The following SACS variants were observed in gnomAD, a reference collection of about 807,000 sequenced individuals.
SACS encodes sacsin molecular chaperone.
SACS carries 197 observed loss-of-function variants against 348.0 expected under a neutral mutation model. The observed-to-expected ratio is 0.57, with a 90% confidence interval of 0.50 to 0.64. SACS has a LOEUF of 0.64. Among genes scored for constraint, SACS ranks in the 30% least tolerant of loss-of-function variants. SACS has a pLI of 0.00. For synonymous variants in SACS, 1,985 were observed against 1,910.6 expected (o/e 1.04, Z -1.02); for missense variants, 4,999 against 5,360.8 (o/e 0.93, Z 2.11).
At chr13:23,356,425 ACT>A (rs925693296) in intron 7 of SACS, among the ~76,000 whole-genome samples, 3 of 152,218 alleles carry the variant, frequency 2.0e-5, no homozygotes, top group East Asian at 1.9e-4. Flanking sequence ...AATGCAGGTG[ACT>A]CTGCCCACTG....
At position 23,332,162 on chromosome 13, in the gene SACS, AG is replaced by A. The variant is rs1555249797; in HGVS notation, c.11713del (p.Ala3906ArgfsTer12). On this transcript the variant is annotated frameshift_variant, in exon 10 of 10. Transcript: ENST00000382292. LOFTEE classifies it high-confidence loss of function. ...VRSDLENVRDLALYLPSQDGR... is the reference protein window; with the variant it reads ...VRSDLENVRDXALYLPSQDGR... ...ATCCTGGCTTGGGAGGTAAAGCGCAAGGTCTCGTACATTCTCGAGATCACTC... is the reference window on the plus strand; with the variant it reads ...ATCCTGGCTTGGGAGGTAAAGCGCAAGTCTCGTACATTCTCGAGATCACTC... The A allele has an allele frequency of 6.2e-7, 1 of 1,614,080 alleles. No individual in the cohort carries two copies.
rs572068106 is a variant in SACS, at chr13:23,331,975, T to C, written c.11901A>G (p.Gln3967=). 5.0e-6 allele frequency: 8 copies of C among 1,614,096 alleles called. No individual in the cohort carries two copies. The South Asian group carries it at 5.5e-5, about 11-fold the overall frequency. The change falls in exon 10 of 10, where the codon CAA becomes CAG. Residue 3967 remains glutamine (Q), a synonymous_variant. Coordinates refer to ENST00000382292, the MANE Select transcript of SACS (RefSeq NM_014363.6). ...TGCTCAATAATCGAGGTCTAAGTTT[T>C]TGAGGAAAGAGCATTATCAACTTAG... ...FHTKLIMLFP[Q]KLRPRLLSSI... is the part of the protein sequence containing the mutation.
rs751098578 is a variant in SACS, at chr13:23,371,213, T to C, written c.172-48A>G. ...GTATGAAAAGCAATACAGTCTCTAA[T>C]ACTGTAAATTCAAGACATTATCTCA... On this transcript the variant is annotated intron_variant, in intron 3 of 9. Coordinates refer to ENST00000382292, the MANE Select transcript of SACS (RefSeq NM_014363.6). 2.1e-5 allele frequency: 24 copies of C among 1,136,696 alleles called. No homozygotes were observed. In the Admixed American group the frequency reaches 4.9e-4, roughly 23 times the overall value. 70.4% of individuals were successfully genotyped at this position (1,136,696 alleles called of 1,614,324 possible).
At chr13:23,353,250 G>C (rs1870089571) in intron 9 of SACS, among the ~76,000 whole-genome samples, 1 of 152,090 alleles carries the variant, frequency 6.6e-6, no homozygotes. Context: ...GAGTTAATTG[G>C]ATTTGTCCAC....
At position 23,340,612 on chromosome 13, in the gene SACS, T is replaced by C. The variant is rs1484975538; in HGVS notation, c.3264A>G (p.Arg1088=). ...FTSPDILHSL[R]QIGLKNEASL... is the part of the protein sequence containing the mutation. ...TGGCTTCGTTTTTTAAACCAATCTG[T>C]CTTAAGGAGTGAAGAATATCTGGTG... Residue 1088 remains arginine, a synonymous_variant, in exon 10 of 10, where the codon AGA becomes AGG. Transcript: ENST00000382292. The C allele has an allele frequency of 1.2e-6, 2 of 1,611,456 alleles. No individual in the cohort carries two copies. The highest frequency in any genetic ancestry group is 1.7e-6 in the Non-Finnish European group (2 of 1,179,490).
intron 2 of SACS, among the ~76,000 whole-genome samples, chr13:23,401,387 C>T (rs752345830): frequency 2.6e-5 from 4 of 152,232 alleles, no homozygotes; most frequent in Non-Finnish European, 5.9e-5. Flanking sequence ...TCCCTCCCCA[C>T]TTCCAGTCTT....
intron 2 of SACS, among the ~76,000 whole-genome samples, chr13:23,380,886 G>A (rs554469503): frequency 3.9e-5 from 6 of 152,146 alleles, no homozygotes; most frequent in Non-Finnish European, 8.8e-5. Flanking sequence ...GCTTTCATCC[G>A]TAAAAGTTTC....
Position 23,376,619 on chromosome 13 carries a change from T to C in SACS, c.21-1350A>G, listed in dbSNP as rs559088804. Among the ~76,000 whole-genome samples the C allele has an allele frequency of 2.0e-5, 3 of 152,322 alleles. No individual in the cohort carries two copies. The South Asian group carries it at 6.2e-4, about 32-fold the overall frequency. On this transcript the variant is annotated intron_variant, in intron 2 of 9. Coordinates refer to ENST00000382292, the MANE Select transcript of SACS (RefSeq NM_014363.6). The stretch of plus-strand genomic sequence containing the variant: ...TGTTCTACAGCTGTTCCATCTCTCT[T>C]ACCACAGTTAAAAAGGGAATGATAG...
At chr13:23,415,034 C>A (rs1199187508) in intron 1 of SACS, among the ~76,000 whole-genome samples, 2 of 151,860 alleles carry the variant, frequency 1.3e-5, no homozygotes, top group African/African-American at 4.8e-5. Context: ...TTTTTCTTTT[C>A]TTTTTTTTAT....
At position 23,330,311 on chromosome 13, in the gene SACS, T is replaced by G. The variant is rs1036119801; in HGVS notation, c.13565A>C (p.Asp4522Ala). 1 of 1,614,084 alleles carries G rather than the reference T, an allele frequency of 6.2e-7. No individual in the cohort carries two copies. The highest frequency in any genetic ancestry group is 8.5e-7 in the Non-Finnish European group (1 of 1,180,026). The change falls in exon 10 of 10, where the codon GAT becomes GCT. Residue 4522 changes from aspartate to alanine, a missense_variant. By Grantham distance (126) the Asp-to-Ala change is moderately radical (BLOSUM62 -2). Transcript: ENST00000382292. ...YSQQLEGLTNDVHTLEAYGVD... is the reference protein window; with the variant it reads ...YSQQLEGLTNAVHTLEAYGVD... Reference sequence around the variant, plus strand: ...ACCATAAGCTTCCAATGTGTGAACATCATTTGTCAGTCCTTCAAGTTGCTG... The same window carrying G: ...ACCATAAGCTTCCAATGTGTGAACAGCATTTGTCAGTCCTTCAAGTTGCTG...
At chr13:23,418,076 A>AG (rs1873756873) in intron 1 of SACS, among the ~76,000 whole-genome samples, 1 of 151,930 alleles carries the variant, frequency 6.6e-6, no homozygotes, top group South Asian at 2.1e-4. Flanking sequence ...AAAAAAAAAA[A>AG]AAATTCAAGT....
At chr13:23,388,171 C>T (rs1428953204) in intron 2 of SACS, among the ~76,000 whole-genome samples, 1 of 151,818 alleles carries the variant, frequency 6.6e-6, no homozygotes, top group African/African-American at 2.4e-5. Context: ...GCACAATTCA[C>T]AATTGCAAAG....
In SACS at chr13:23,412,083, C is replaced by T. The variant is rs61946972; in HGVS notation, c.-501-343G>A. ...GACCATCCTGGCTAATACGGTGAAA[C>T]CCCGTCTCTACTAAAAATACAAAAA... On this transcript the variant is annotated intron_variant, in intron 1 of 9. Coordinates refer to ENST00000382292, the MANE Select transcript of SACS (RefSeq NM_014363.6). Among the ~76,000 whole-genome samples the T allele has an allele frequency of 0.029, 4,359 of 152,222 alleles. 104 individuals are homozygous for T. Among genetic ancestry groups the T allele is most frequent in the Middle Eastern group, 0.058 (17 of 294 alleles).
Position 23,329,680 on chromosome 13 carries a change from C to T in SACS, c.*456G>A, listed in dbSNP as rs1883344646. 1.3e-5 allele frequency: 7 copies of T among 519,882 alleles called. No homozygotes were observed. Among genetic ancestry groups the T allele is most frequent in the Admixed American group, 3.8e-5 (1 of 26,630 alleles). The allele number at this position is 519,882 out of a possible 1,614,324, so 32.2% of individuals were successfully genotyped here. A position where few individuals can be genotyped will look rare whatever the true frequency, so the allele number is the denominator to read the frequency against. ...GCCAGCTGATGAGAAAATAACGCAT[C>T]CAAGAGGATCCACTTAAAAAAATGA... On this transcript the variant is annotated 3_prime_UTR_variant, in exon 10 of 10. Transcript: ENST00000382292.
In SACS at chr13:23,338,649, T is replaced by G; in HGVS notation, c.5227A>C (p.Ser1743Arg). The part of the protein sequence containing the change: ...KEAAKLMKTC[S>R]SSNKKLPSDE... ...CTGGGAAGCTTTTTATTACTGCTGC[T>G]GCAAGTCTTCATGAGCTTAGCAGCC... The change falls in exon 10 of 10, where the codon AGC becomes CGC. Residue 1743 changes from serine to arginine, a missense_variant. Physicochemically the swap from Ser to Arg is moderately radical, Grantham distance 110. Around this residue, in one of 6 missense-constraint regions of SACS, gnomAD observed 3,156 missense variants for 3,380.1 expected, o/e 0.93. Coordinates refer to ENST00000382292, the MANE Select transcript of SACS (RefSeq NM_014363.6). 3 of 1,614,202 alleles carry G rather than the reference T, an allele frequency of 1.9e-6. No individual in the cohort carries two copies. The highest frequency in any genetic ancestry group is 2.5e-6 in the Non-Finnish European group (3 of 1,180,022).
rs2137565976 is a variant in SACS at position 23,332,362 on chromosome 13, C to T, written c.11514G>A (p.Leu3838=). 4 of 1,613,950 alleles carry T rather than the reference C, an allele frequency of 2.5e-6. No individual in the cohort carries two copies. The highest frequency in any genetic ancestry group is 3.4e-6 in the Non-Finnish European group (4 of 1,179,896). ...TATCTTCAGTACCTAAGTGTTTGAA[C>T]AACTGGTGAAATGTGCCAAGTTCTA... ...LPLELGTFHQ[L]FKHLGTEDII... is the part of the protein sequence containing the mutation. The change falls in exon 10 of 10, where the codon TTG becomes TTA. Residue 3838 remains leucine, a synonymous_variant. Transcript: ENST00000382292.
chr13:23,366,916 C>T (rs566959240), intron 5 of SACS, among the ~76,000 whole-genome samples: 18 of 140,756 alleles, frequency 1.3e-4, no homozygotes, highest in African/African-American at 4.8e-4. Flanking sequence ...TCTAAGACTC[C>T]TATTAAATCT....
intron 2 of SACS, among the ~76,000 whole-genome samples, chr13:23,406,357 A>C (rs1185377442): frequency 6.7e-6 from 1 of 149,952 alleles, no homozygotes; most frequent in Non-Finnish European, 1.5e-5. Context: ...GTGGGGGGAA[A>C]CACCACACAC....
rs143287019 is a variant in SACS, at chr13:23,340,531, G to A, written c.3345C>T (p.Val1115=). 9.9e-5 allele frequency: 159 copies of A among 1,611,786 alleles called. 1 individual carries two copies. The highest frequency in any genetic ancestry group is 1.4e-4 in the South Asian group (13 of 90,536). The stretch of plus-strand genomic sequence containing the variant: ...GAACATCTTGATCAGGACAAGCACC[G>A]ACCTGTAAGGCTTCAATTTTTTTTG... The part of the protein sequence containing the change: ...QVAKKIEALQ[V]GACPDQDVLL... Residue 1115 remains valine, a synonymous_variant, in exon 10 of 10, where the codon GTC becomes GTT. Coordinates refer to ENST00000382292, the MANE Select transcript of SACS (RefSeq NM_014363.6).
Sources: allele counts gnomAD v4.1 joint callset (sites outside exome capture counted in the v4.1 genomes callset), GRCh38; gene constraint gnomAD v4.1.1; regional missense constraint gnomAD v4.1.1; transcripts MANE v1.5; gene names NCBI Gene and HGNC (gene_info 2026-07-23, HGNC 2026-07-21).